EPHA3: variants seen among roughly 807,000 people sequenced by gnomAD.
EPHA3 encodes the protein EPH receptor A3, also known as ephrin type-A receptor 3.
EPHA3 carries 42 observed loss-of-function variants against 107.1 expected under a neutral mutation model. The observed-to-expected ratio is 0.39, with a 90% CI of 0.31 to 0.51. EPHA3 has a LOEUF of 0.51. Among genes scored for constraint, EPHA3 ranks in the 20% least tolerant of loss-of-function variants. The pLI is 0.78. For missense variants in EPHA3, 1,183 were observed against 1,211.2 expected (o/e 0.98, Z 0.35); for synonymous variants, 461 against 424.8 (o/e 1.09, Z -1.05).
chr3:89,418,354 A>G (rs889278929), intron 10 of EPHA3, among the ~76,000 whole-genome samples: 4 of 151,400 alleles, frequency 2.6e-5, no homozygotes, highest in African/African-American at 9.7e-5. Flanking sequence ...GGGTACAGAT[A>G]AATAAATGTA....
intron 2 of EPHA3, among the ~76,000 whole-genome samples, chr3:89,193,049 G>T (rs1705755629): frequency 6.6e-6 from 1 of 151,944 alleles, no homozygotes; most frequent in Admixed American, 6.6e-5. Flanking sequence ...TACAAAGTTG[G>T]AACAAAAATT....
At chr3:89,400,608 T>A (rs1312943983) in intron 7 of EPHA3, among the ~76,000 whole-genome samples, 1 of 151,344 alleles carries the variant, frequency 6.6e-6, no homozygotes, top group Non-Finnish European at 1.5e-5. Context: ...GAAGAACAGA[T>A]ACATAATTAT....
intron 15 of EPHA3, among the ~76,000 whole-genome samples, chr3:89,454,063 T>C (rs1447804674): frequency 6.6e-6 from 1 of 152,138 alleles, no homozygotes; most frequent in Non-Finnish European, 1.5e-5. Context: ...CAGGGGAACC[T>C]ATTACACATA....
chr3:89,174,347 T>C (rs747654583), intron 2 of EPHA3, among the ~76,000 whole-genome samples: 13 of 152,002 alleles, frequency 8.6e-5, no homozygotes, highest in Admixed American at 2.6e-4. Flanking sequence ...TGAATATACC[T>C]GATCAAGGCA....
chr3:89,242,688 C>A (rs1372766226), intron 3 of EPHA3, among the ~76,000 whole-genome samples: 1 of 152,120 alleles, frequency 6.6e-6, no homozygotes, highest in Non-Finnish European at 1.5e-5. Flanking sequence ...CTGCCTGCCT[C>A]AGCCTCCCAA....
intron 3 of EPHA3, among the ~76,000 whole-genome samples, chr3:89,218,031 C>T (rs6767230): frequency 0.94 from 143,571 of 152,262 alleles, 67,757 homozygotes; most frequent in Admixed American, 0.97. Context: ...TATTTCAATC[C>T]ATCTATCATC....
intron 3 of EPHA3, among the ~76,000 whole-genome samples, chr3:89,331,182 C>G (rs1707279229): frequency 6.6e-6 from 1 of 152,110 alleles, no homozygotes; most frequent in African/African-American, 2.4e-5. Flanking sequence ...TCAAATTATA[C>G]AAACACACAT....
At chr3:89,141,556 C>T (rs1488461270) in intron 2 of EPHA3, among the ~76,000 whole-genome samples, 2 of 151,452 alleles carry the variant, frequency 1.3e-5, no homozygotes, top group African/African-American at 4.8e-5. Context: ...AGGATACCAC[C>T]CTTATAGTTA....
chr3:89,148,749 TCAC>T (rs1704625617), intron 2 of EPHA3, among the ~76,000 whole-genome samples: 2 of 152,008 alleles, frequency 1.3e-5, no homozygotes, highest in Non-Finnish European at 2.9e-5. Flanking sequence ...GTTTATCATG[TCAC>T]TTATAGAAAC....
At chr3:89,388,424 G>A (rs1233974896) in intron 5 of EPHA3, among the ~76,000 whole-genome samples, 1 of 152,156 alleles carries the variant, frequency 6.6e-6, no homozygotes, top group African/African-American at 2.4e-5. Context: ...GAGGGCAGAG[G>A]AAGGACCTGA....
chr3:89,122,941 A>G (rs1322305855), intron 1 of EPHA3, among the ~76,000 whole-genome samples: 1 of 152,138 alleles, frequency 6.6e-6, no homozygotes, highest in Non-Finnish European at 1.5e-5. Context: ...TGGACTTTTG[A>G]TTGAGTCTCT....
At chr3:89,386,955 T>G (rs1437550147) in intron 5 of EPHA3, among the ~76,000 whole-genome samples, 3 of 152,210 alleles carry the variant, frequency 2.0e-5, no homozygotes, top group Non-Finnish European at 4.4e-5. Context: ...GGAATAGGTG[T>G]ATTTAGCCAA....
intron 1 of EPHA3, among the ~76,000 whole-genome samples, chr3:89,122,236 G>A (rs1342552895): frequency 2.0e-5 from 3 of 152,140 alleles, no homozygotes; most frequent in African/African-American, 7.2e-5. Context: ...GTGATGGTGT[G>A]CATAGAAAGA....
At chr3:89,428,136 C>T (rs932898061) in intron 11 of EPHA3, among the ~76,000 whole-genome samples, 3 of 151,856 alleles carry the variant, frequency 2.0e-5, no homozygotes, top group African/African-American at 7.2e-5. Flanking sequence ...CTCTGTGTAT[C>T]CACTATACTT....
chr3:89,281,878 A>G (rs1176325547), intron 3 of EPHA3, among the ~76,000 whole-genome samples: 3 of 152,204 alleles, frequency 2.0e-5, no homozygotes, highest in Non-Finnish European at 4.4e-5. Context: ...GCTAATTCCA[A>G]TCATTGTACA....
At chr3:89,160,051 A>G (rs1157639362) in intron 2 of EPHA3, among the ~76,000 whole-genome samples, 1 of 152,006 alleles carries the variant, frequency 6.6e-6, no homozygotes, top group Non-Finnish European at 1.5e-5. Flanking sequence ...ATAACCCGAC[A>G]CTCTAAGACC....
chr3:89,222,094 T>C (rs927781992), intron 3 of EPHA3, among the ~76,000 whole-genome samples: 1 of 152,054 alleles, frequency 6.6e-6, no homozygotes, highest in African/African-American at 2.4e-5. Context: ...TGCTTCTGCT[T>C]CTGTTTCCAT....
At chr3:89,123,286 G>C (rs759109974) in intron 1 of EPHA3, among the ~76,000 whole-genome samples, 1 of 152,174 alleles carries the variant, frequency 6.6e-6, no homozygotes, top group Non-Finnish European at 1.5e-5. Context: ...TGGGATTACA[G>C]GTGTGTGCTG....
intron 3 of EPHA3, among the ~76,000 whole-genome samples, chr3:89,276,520 C>A (rs1396163275): frequency 6.6e-6 from 1 of 152,078 alleles, no homozygotes; most frequent in African/African-American, 2.4e-5. Context: ...TGCAAGATAA[C>A]TTGTTCTCCT....
Sources: gnomAD v4.1 joint callset for allele counts (sites outside exome capture counted in the v4.1 genomes callset) on GRCh38, gnomAD v4.1.1 for gene constraint, MANE v1.5 for transcripts, NCBI Gene and HGNC (gene_info 2026-07-23, HGNC 2026-07-21) for gene names.